The following LRRTM3 variants were observed in gnomAD, a reference collection of about 807,000 sequenced individuals.
LRRTM3 encodes leucine-rich repeat transmembrane neuronal protein 3.
In LRRTM3, 24 loss-of-function variants were observed where a neutral mutation model predicts 44.7. The observed-to-expected ratio is 0.54, with a 90% CI of 0.39 to 0.76. The LOEUF is 0.76. Among genes scored for constraint, LRRTM3 ranks in the 30% least tolerant of loss-of-function variants. The probability of loss-of-function intolerance (pLI) is 0.00; values close to 1 mark genes in which losing one functional copy is unlikely to be tolerated. For missense variants in LRRTM3, 587 were observed against 702.2 expected (o/e 0.84, Z 1.85); for synonymous variants, 277 against 278.7 (o/e 0.99, Z 0.06).
intron 2 of LRRTM3, among the ~76,000 whole-genome samples, chr10:67,030,152 T>C (rs1853628717): frequency 6.6e-6 from 1 of 152,240 alleles, no homozygotes; most frequent in African/African-American, 2.4e-5. Context: ...AAGCTTGTGC[T>C]AAAGCACCAG....
At chr10:67,001,388 T>C (rs557573517) in intron 2 of LRRTM3, among the ~76,000 whole-genome samples, 195 of 150,658 alleles carry the variant, frequency 1.3e-3, no homozygotes, top group Non-Finnish European at 1.6e-3. Context: ...ACTTCTAGAA[T>C]GCTAGGTACT....
chr10:66,935,378 T>C (rs1317288767), intron 2 of LRRTM3, among the ~76,000 whole-genome samples: 6 of 152,226 alleles, frequency 3.9e-5, no homozygotes, highest in African/African-American at 1.4e-4. Flanking sequence ...CCAAGAAGTT[T>C]AAAATTCAGC....
intron 2 of LRRTM3, among the ~76,000 whole-genome samples, chr10:66,965,686 T>G (rs1849377048): frequency 1.3e-5 from 2 of 151,590 alleles, no homozygotes; most frequent in Non-Finnish European, 2.9e-5. Context: ...AAAGCAAAAC[T>G]GTAGCAAAGC....
chr10:66,957,763 AG>A (rs1848902060), intron 2 of LRRTM3, among the ~76,000 whole-genome samples: 1 of 152,064 alleles, frequency 6.6e-6, no homozygotes, highest in South Asian at 2.1e-4. Context: ...GCAGAAGACA[AG>A]GGGAAAATTT....
rs1453037801 is a variant in LRRTM3, at chr10:66,928,415, C to A, written c.1499C>A (p.Pro500His). 1.9e-6 allele frequency: 3 copies of A among 1,612,884 alleles called. No homozygotes were observed. Among genetic ancestry groups the A allele is most frequent in the South Asian group, 2.2e-5 (2 of 90,888 alleles). ...GAGATGCTGCTGAATGGGACGGGAC[C>A]CTGCACCTATAACAAATCGGGCTCC... is the stretch of plus-strand genomic sequence containing the variant. ...TSEMLLNGTG[P>H]CTYNKSGSRE... The change falls in exon 2 of 3, where the codon CCC becomes CAC. Residue 500 changes from proline to histidine, a missense_variant. By Grantham distance (77) the Pro-to-His change is moderately conservative. Coordinates refer to ENST00000361320, the MANE Select transcript of LRRTM3 (RefSeq NM_178011.5).
At chr10:67,000,841 G>A (rs1358373734) in intron 2 of LRRTM3, among the ~76,000 whole-genome samples, 1 of 152,156 alleles carries the variant, frequency 6.6e-6, no homozygotes, top group Non-Finnish European at 1.5e-5. Context: ...AAGGCAATCT[G>A]AGAATTTAAT....
At chr10:66,981,984 G>A (rs1298558945) in intron 2 of LRRTM3, among the ~76,000 whole-genome samples, 2 of 152,166 alleles carry the variant, frequency 1.3e-5, no homozygotes, top group Non-Finnish European at 2.9e-5. Context: ...TCTAGGTTAT[G>A]AGATTGCTCT....
At chr10:67,030,864 T>C (rs576200393) in intron 2 of LRRTM3, among the ~76,000 whole-genome samples, 77 of 152,014 alleles carry the variant, frequency 5.1e-4, no homozygotes, top group African/African-American at 1.8e-3. Context: ...ATTAGCCAGG[T>C]GTGGTGGCGG....
At chr10:67,076,929 A>G (rs1856777257) in intron 2 of LRRTM3, among the ~76,000 whole-genome samples, 1 of 152,188 alleles carries the variant, frequency 6.6e-6, no homozygotes, top group South Asian at 2.1e-4. Flanking sequence ...CCATTGGACT[A>G]TGTCAAAATC....
intron 2 of LRRTM3, among the ~76,000 whole-genome samples, chr10:67,043,297 T>C (rs546747349): frequency 2.0e-5 from 3 of 152,104 alleles, no homozygotes; most frequent in Non-Finnish European, 4.4e-5. Flanking sequence ...CATTCATATA[T>C]TCTCTGATCA....
At position 66,928,009 on chromosome 10, in the gene LRRTM3, A is replaced by G. The variant is rs758292462; in HGVS notation, c.1093A>G (p.Thr365Ala). 6.2e-7 allele frequency: 1 copy of G among 1,614,208 alleles called. No individual in the cohort carries two copies. Among genetic ancestry groups the G allele is most frequent in the South Asian group, 1.1e-5 (1 of 91,092 alleles). ...GAACTACAGCATCTGTGGCAAAAGT[A>G]CTACAGAGAGGTTTGATCTGGCCAG... ...VKNYSICGKS[T>A]TERFDLARAL... The change falls in exon 2 of 3, where the codon ACT (threonine) becomes GCT (alanine). Residue 365 changes from threonine to alanine, a missense_variant. Physicochemically the swap from Thr to Ala is moderately conservative, Grantham distance 58. This residue lies in a region of LRRTM3 where 315 missense variants were observed against 335.6 expected (regional missense o/e 0.94). Coordinates refer to ENST00000361320, the MANE Select transcript of LRRTM3 (RefSeq NM_178011.5).
intron 2 of LRRTM3, among the ~76,000 whole-genome samples, chr10:67,060,366 T>A (rs1855692663): frequency 1.3e-5 from 2 of 152,238 alleles, no homozygotes; most frequent in South Asian, 4.1e-4. Flanking sequence ...AATTGCCAAG[T>A]GACTAAACAG....
intron 2 of LRRTM3, among the ~76,000 whole-genome samples, chr10:66,993,744 T>C (rs904444785): frequency 1.3e-5 from 2 of 151,970 alleles, no homozygotes; most frequent in African/African-American, 4.8e-5. Context: ...GAGCCTGTAT[T>C]TCGGATTATG....
chr10:66,969,607 A>G (rs1402463862), intron 2 of LRRTM3, among the ~76,000 whole-genome samples: 2 of 152,168 alleles, frequency 1.3e-5, no homozygotes, highest in Admixed American at 1.3e-4. Context: ...AATTTGTATT[A>G]TAACTGCTCC....
chr10:67,092,678 T>C (rs1465895029), intron 2 of LRRTM3, among the ~76,000 whole-genome samples: 3 of 151,986 alleles, frequency 2.0e-5, no homozygotes, highest in Non-Finnish European at 4.4e-5. Flanking sequence ...AACTCAAATA[T>C]TACATATGAA....
At chr10:66,990,248 C>T (rs1850970220) in intron 2 of LRRTM3, among the ~76,000 whole-genome samples, 1 of 152,098 alleles carries the variant, frequency 6.6e-6, no homozygotes, top group South Asian at 2.1e-4. Context: ...CCATTGTCTC[C>T]CAATATCCAC....
At chr10:67,090,956 A>G (rs188908448) in intron 2 of LRRTM3, among the ~76,000 whole-genome samples, 1 of 152,212 alleles carries the variant, frequency 6.6e-6, no homozygotes, top group East Asian at 1.9e-4. Context: ...ACACTTAGAA[A>G]CCAAAATAGT....
intron 2 of LRRTM3, among the ~76,000 whole-genome samples, chr10:67,007,373 A>C (rs944361911): frequency 6.6e-5 from 10 of 151,610 alleles, no homozygotes; most frequent in African/African-American, 1.7e-4. Context: ...ATTACCCTTG[A>C]CCAACTTTTT....
At chr10:67,075,043 C>T (rs114632365) in intron 2 of LRRTM3, among the ~76,000 whole-genome samples, 1,583 of 152,134 alleles carry the variant, frequency 0.01, 30 homozygotes, top group African/African-American at 0.036. Flanking sequence ...CTATCTTCAG[C>T]TTCTAACAGT....
Sources: gnomAD v4.1 joint callset for allele counts (sites outside exome capture counted in the v4.1 genomes callset) on GRCh38, gnomAD v4.1.1 for gene constraint, gnomAD v4.1.1 regional missense constraint, MANE v1.5 for transcripts, NCBI Gene and HGNC (gene_info 2026-07-23, HGNC 2026-07-21) for gene names.